Variants in APC observed in about 807,000 individuals in gnomAD.
APC encodes adenomatous polyposis coli protein.
In APC, 72 loss-of-function variants were observed where a neutral mutation model predicts 247.0. The observed-to-expected ratio is 0.29, with a 90% CI of 0.24 to 0.35. APC has a LOEUF of 0.35. Ranked by LOEUF, APC falls within the 10% of genes least tolerant of loss-of-function variation. The probability of loss-of-function intolerance (pLI) is 1.00; values close to 1 mark genes in which losing one functional copy is unlikely to be tolerated. For synonymous variants in APC, 1,254 were observed against 1,162.5 expected (o/e 1.08, Z -1.60); for missense variants, 3,400 against 3,360.7 (o/e 1.01, Z -0.29).
intron 1 of APC, among the ~76,000 whole-genome samples, chr5:112,718,962 C>T (rs1751333555): frequency 6.6e-6 from 1 of 152,120 alleles, no homozygotes; most frequent in Non-Finnish European, 1.5e-5. Context: ...TAGGTTAGTT[C>T]CTAGGACTTT....
chr5:112,726,266 G>A (rs1412300217), intron 1 of APC, among the ~76,000 whole-genome samples: 3 of 152,224 alleles, frequency 2.0e-5, no homozygotes. Flanking sequence ...GAAGATTCAG[G>A]TTGTACACGG....
At chr5:112,785,906 A>G (rs76009673) in intron 6 of APC, among the ~76,000 whole-genome samples, 3 of 152,230 alleles carry the variant, frequency 2.0e-5, no homozygotes, top group Admixed American at 1.3e-4. Context: ...CTTCTTAAAT[A>G]TGAATGGAAA....
chr5:112,772,534 T>A (rs1054002267), intron 4 of APC, among the ~76,000 whole-genome samples: 2 of 148,034 alleles, frequency 1.4e-5, no homozygotes, highest in African/African-American at 2.5e-5. Flanking sequence ...TTTTTTTTTT[T>A]AAGACGAAAT....
intron 1 of APC, among the ~76,000 whole-genome samples, chr5:112,711,878 C>T (rs954332355): frequency 6.6e-6 from 1 of 151,734 alleles, no homozygotes; most frequent in Admixed American, 6.6e-5. Context: ...CTTTAGACTT[C>T]CCTTCTAATA....
chr5:112,792,379 A>T, intron 6 of APC, 67 bp from the exon 7 acceptor site: 3 of 1,053,832 alleles, frequency 2.8e-6, no homozygotes, highest in Non-Finnish European at 4.2e-6. Context: ...TGGTAGCCAT[A>T]GTATGATTAT....
chr5:112,843,254 C>A lies in APC; in HGVS notation c.7660C>A (p.His2554Asn). Residue 2554 changes from histidine (H) to asparagine (N), a missense_variant, in exon 16 of 16, where the codon CAT becomes AAT. Around this residue, in one of 9 missense-constraint regions of APC, gnomAD observed 1,788 missense variants for 1,649.5 expected, o/e 1.08. Coordinates refer to ENST00000257430, the MANE Select transcript of APC (RefSeq NM_000038.6). The surrounding 1 kb of genome is among the most constrained non-coding windows in gnomAD (Gnocchi z 4.8). ...AACCTGGAAACGTGAGCACAGCAAA[C>A]ATTCATCATCCCTTCCTCGAGTAAG... The part of the protein sequence containing the change: ...SGTWKREHSK[H>N]SSSLPRVSTW... The A allele has an allele frequency of 6.2e-7, 1 of 1,613,750 alleles. No individual in the cohort carries two copies. Among genetic ancestry groups the A allele is most frequent in the Non-Finnish European group, 8.5e-7 (1 of 1,179,668 alleles).
At chr5:112,779,477 G>A (rs1249995191) in intron 5 of APC, among the ~76,000 whole-genome samples, 1 of 152,046 alleles carries the variant, frequency 6.6e-6, no homozygotes, top group African/African-American at 2.4e-5. Context: ...ACATTATCAG[G>A]CACCATTGGC....
At chr5:112,822,876 T>C (rs1763284497) in intron 11 of APC, among the ~76,000 whole-genome samples, 1 of 152,222 alleles carries the variant, frequency 6.6e-6, no homozygotes, top group South Asian at 2.1e-4. Flanking sequence ...CATGAGACTC[T>C]TACACAGAGA....
chr5:112,784,938 G>A (rs1404185243), intron 6 of APC, among the ~76,000 whole-genome samples: 1 of 152,104 alleles, frequency 6.6e-6, no homozygotes, highest in Non-Finnish European at 1.5e-5. Context: ...GCACACAACT[G>A]TAATCCCAGC....
chr5:112,840,771 A>G lies in APC; in HGVS notation c.5177A>G (p.Glu1726Gly), dbSNP rs587780598. ...GCAGAGGAAGGTGATATTCTTGCAGAATGCATTAATTCTGCTATGCCCAAA... is the reference window on the plus strand; with the variant it reads ...GCAGAGGAAGGTGATATTCTTGCAGGATGCATTAATTCTGCTATGCCCAAA... ...NKAEEGDILA[E>G]CINSAMPKGK... is the part of the protein sequence containing the mutation. Residue 1726 changes from glutamate (E) to glycine (G), a missense_variant, in exon 16 of 16, where the codon GAA becomes GGA. This residue lies in a region of APC where 1,788 missense variants were observed against 1,649.5 expected (regional missense o/e 1.08). Coordinates refer to ENST00000257430, the MANE Select transcript of APC (RefSeq NM_000038.6). This position sits in a 1 kb window ranked among gnomAD's most constrained non-coding sequence, Gnocchi z 4.1. The G allele has an allele frequency of 1.2e-6, 2 of 1,613,872 alleles. No individual in the cohort carries two copies. Among genetic ancestry groups the G allele is most frequent in the East Asian group, 4.5e-5 (2 of 44,894 alleles).
rs1014575548 is a variant in APC at position 112,842,621 on chromosome 5, T to C, written c.7027T>C (p.Ser2343Pro). 2 of 1,613,944 alleles carry C rather than the reference T, an allele frequency of 1.2e-6. No individual in the cohort carries two copies. The highest frequency in any genetic ancestry group is 1.1e-5 in the South Asian group (1 of 91,078). The stretch of plus-strand genomic sequence containing the variant: ...TGGAATAAGTCCTCCTAACAAATTA[T>C]CTCAACTTCCAAGGACATCATCCCC... Reference protein sequence around the residue: ...RNGISPPNKLSQLPRTSSPST... With the variant: ...RNGISPPNKLPQLPRTSSPST... The change falls in exon 16 of 16, where the codon TCT (serine) becomes CCT (proline). Residue 2343 changes from serine (S) to proline (P), a missense_variant. Ser to Pro is a moderately conservative substitution (Grantham distance 74). Coordinates refer to ENST00000257430, the MANE Select transcript of APC (RefSeq NM_000038.6).
At chr5:112,810,008 A>G in intron 8 of APC, 1 of 359,708 alleles carries the variant, frequency 2.8e-6, no homozygotes, top group Admixed American at 3.6e-5. Flanking sequence ...AAAAAAAAGT[A>G]GAAGAGAGCA....
chr5:112,788,369 C>T (rs1759206565), intron 6 of APC, among the ~76,000 whole-genome samples: 1 of 152,038 alleles, frequency 6.6e-6, no homozygotes, highest in South Asian at 2.1e-4. Context: ...GAAGTCAGAC[C>T]TTCATAATAT....
chr5:112,808,643 C>T (rs1394844445), intron 8 of APC, among the ~76,000 whole-genome samples: 2 of 152,100 alleles, frequency 1.3e-5, no homozygotes, highest in Admixed American at 6.6e-5. Context: ...AAACTGATCT[C>T]AAGCAGTCCT....
rs1334013498 is a variant in APC at position 112,707,543 on chromosome 5, G to C, written c.-175G>C. The C allele has an allele frequency of 1.9e-6, 1 of 533,108 alleles. No individual in the cohort carries two copies. Among genetic ancestry groups the C allele is most frequent in the Non-Finnish European group, 3.2e-6 (1 of 312,824 alleles). 33.0% of individuals were successfully genotyped at this position (533,108 alleles called of 1,614,324 possible). On this transcript the variant is annotated 5_prime_UTR_variant, in exon 1 of 14. Transcript: ENST00000507379. ...CCCACAAGATGGCGGAGGGCAAGTAGCAAGGGGGCGGGGTGTGGCCGCCGG... is the reference window on the plus strand; with the variant it reads ...CCCACAAGATGGCGGAGGGCAAGTACCAAGGGGGCGGGGTGTGGCCGCCGG...
At chr5:112,800,090 T>C (rs1222290778) in intron 7 of APC, among the ~76,000 whole-genome samples, 1 of 152,232 alleles carries the variant, frequency 6.6e-6, no homozygotes, top group Non-Finnish European at 1.5e-5. Context: ...CTGACTAAAC[T>C]GTAAGGTCCA....
At chr5:112,735,071 C>T (rs1246250647), upstream of APC, among the ~76,000 whole-genome samples, 1 of 151,936 alleles carries the variant, frequency 6.6e-6, no homozygotes, top group African/African-American at 2.4e-5. Flanking sequence ...TTACTAAAAG[C>T]AATGAAGCTG....
intron 2 of APC, among the ~76,000 whole-genome samples, chr5:112,760,455 A>G (rs929649261): frequency 6.6e-6 from 1 of 152,228 alleles, no homozygotes; most frequent in Non-Finnish European, 1.5e-5. Flanking sequence ...TAAATTTTGT[A>G]GAGCAGGAGA....
intron 2 of APC, among the ~76,000 whole-genome samples, chr5:112,765,802 G>C (rs1256586171): frequency 6.6e-6 from 1 of 152,132 alleles, no homozygotes; most frequent in Non-Finnish European, 1.5e-5. Flanking sequence ...TCAAGAAGTA[G>C]TGAACATACA....
Sources: gnomAD v4.1 joint callset for allele counts (sites outside exome capture counted in the v4.1 genomes callset) on GRCh38, gnomAD v4.1.1 for gene constraint, gnomAD v4.1.1 regional missense constraint, Gnocchi (gnomAD v3.1) non-coding constraint, MANE v1.5 for transcripts, NCBI Gene and HGNC (gene_info 2026-07-23, HGNC 2026-07-21) for gene names.